The following RGS6 variants were observed in gnomAD, a reference collection of about 807,000 sequenced individuals.
RGS6 encodes the protein regulator of G protein signaling 6.
A neutral mutation model predicts 78.5 loss-of-function variants in RGS6; 30 were observed. The observed-to-expected ratio is 0.38, with a 90% CI of 0.29 to 0.52. The LOEUF (loss-of-function observed/expected upper bound fraction) is 0.52. Among genes scored for constraint, RGS6 ranks in the 20% least tolerant of loss-of-function variants. The pLI is 0.85. For synonymous variants in RGS6, 206 were observed against 206.0 expected, an observed-to-expected ratio of 1.00 and a Z score of 0.00; for missense variants, 495 against 609.7, an observed-to-expected ratio of 0.81 and a Z score of 1.98.
chr14:72,302,248 T>C (rs147704824), intron 2 of RGS6, among the ~76,000 whole-genome samples: 1 of 152,328 alleles, frequency 6.6e-6, no homozygotes, highest in Non-Finnish European at 1.5e-5. Flanking sequence ...GTGGACACCT[T>C]TTACAGGCTA....
chr14:72,513,095 C>T (rs1445282800), intron 14 of RGS6, among the ~76,000 whole-genome samples: 2 of 152,246 alleles, frequency 1.3e-5, no homozygotes, highest in Non-Finnish European at 2.9e-5. Flanking sequence ...AAAGCCTGAC[C>T]AGAACTCACC....
intron 2 of RGS6, among the ~76,000 whole-genome samples, chr14:72,200,953 G>A (rs1433413597): frequency 7.8e-6 from 1 of 127,826 alleles, no homozygotes; most frequent in Non-Finnish European, 1.6e-5. Context: ...TCCTGAATGT[G>A]CTCTGCTTAA....
chr14:72,271,751 A>T (rs1393812220), intron 2 of RGS6, among the ~76,000 whole-genome samples: 1 of 152,210 alleles, frequency 6.6e-6, no homozygotes, highest in African/African-American at 2.4e-5. Context: ...TGAAATAGAT[A>T]GGCTAAAAGC....
intron 2 of RGS6, among the ~76,000 whole-genome samples, chr14:72,196,943 G>A (rs1258424851): frequency 6.6e-6 from 1 of 152,206 alleles, no homozygotes; most frequent in Non-Finnish European, 1.5e-5. Context: ...TAAATTGCTT[G>A]AATTATTGAG....
At chr14:72,151,253 TCCTA>T (rs951506397) in intron 2 of RGS6, among the ~76,000 whole-genome samples, 27 of 152,280 alleles carry the variant, frequency 1.8e-4, no homozygotes, top group Middle Eastern at 3.4e-3. Context: ...AATCAAGCCT[TCCTA>T]CGACAATAGG....
chr14:72,550,419 A>T (rs1363207773), intron 17 of RGS6: 2 of 1,509,698 alleles, frequency 1.3e-6, no homozygotes, highest in East Asian at 4.9e-5. Context: ...TGTTTGCACT[A>T]AGCACCAAGT....
At chr14:72,379,693 A>G (rs1299659469) in intron 3 of RGS6, among the ~76,000 whole-genome samples, 2 of 152,156 alleles carry the variant, frequency 1.3e-5, no homozygotes, top group Non-Finnish European at 2.9e-5. Context: ...AAATGGAAAG[A>G]CATCTCATGC....
chr14:72,097,616 A>T (rs1187173487), intron 2 of RGS6, among the ~76,000 whole-genome samples: 1 of 152,158 alleles, frequency 6.6e-6, no homozygotes, highest in Non-Finnish European at 1.5e-5. Context: ...GCTGTAAACT[A>T]CTAGTTTTCA....
chr14:72,334,313 C>T (rs2075630863), intron 2 of RGS6, among the ~76,000 whole-genome samples: 1 of 152,222 alleles, frequency 6.6e-6, no homozygotes, highest in Non-Finnish European at 1.5e-5. Context: ...CACAGCCCCT[C>T]CTAGCTGCGG....
chr14:72,435,068 C>T (rs750371281), intron 3 of RGS6, among the ~76,000 whole-genome samples: 6 of 152,184 alleles, frequency 3.9e-5, no homozygotes, highest in Non-Finnish European at 7.3e-5. Context: ...GCTTGCAAAT[C>T]CTCCAGGCCA....
chr14:72,362,625 C>A (rs2081665820), intron 3 of RGS6, among the ~76,000 whole-genome samples: 1 of 152,190 alleles, frequency 6.6e-6, no homozygotes, highest in Non-Finnish European at 1.5e-5. Context: ...GGCTTCTTCA[C>A]AGCCTCTTGG....
the RGS6 span, among the ~76,000 whole-genome samples, chr14:71,923,679 C>T: frequency 3.3e-5 from 5 of 152,068 alleles, no homozygotes; most frequent in South Asian, 6.2e-4. Flanking sequence ...GTAAAAGAAG[C>T]CTGACACAAA....
At chr14:72,336,801 G>A (rs909734747) in intron 2 of RGS6, among the ~76,000 whole-genome samples, 5 of 151,998 alleles carry the variant, frequency 3.3e-5, no homozygotes, top group African/African-American at 7.3e-5. Context: ...GTTCCTTCTC[G>A]GGGCTGCCAG....
chr14:72,072,498 G>A (rs950073908), intron 2 of RGS6, among the ~76,000 whole-genome samples: 2 of 151,938 alleles, frequency 1.3e-5, no homozygotes, highest in Admixed American at 6.6e-5. Flanking sequence ...TAGTACAGAC[G>A]GGGTATCACC....
chr14:71,881,932 G>A, the RGS6 span, among the ~76,000 whole-genome samples: 2 of 151,848 alleles, frequency 1.3e-5, no homozygotes, highest in Non-Finnish European at 2.9e-5. Flanking sequence ...AAAGTTTTCT[G>A]TTATGTGTAT....
At chr14:72,500,160 T>C (rs1278529617) in intron 13 of RGS6, among the ~76,000 whole-genome samples, 2 of 152,274 alleles carry the variant, frequency 1.3e-5, no homozygotes, top group East Asian at 3.8e-4. Flanking sequence ...TCAGCACTTT[T>C]TCCCCAAGGA....
chr14:72,487,348 A>T (rs17780517), intron 12 of RGS6, among the ~76,000 whole-genome samples: 20,878 of 152,262 alleles, frequency 0.14, 1,498 homozygotes, highest in South Asian at 0.19. Context: ...CATAAATTGC[A>T]GTCAAACTAC....
At chr14:72,552,001 A>G (rs912810163) in intron 17 of RGS6, among the ~76,000 whole-genome samples, 5 of 152,224 alleles carry the variant, frequency 3.3e-5, no homozygotes, top group Non-Finnish European at 7.3e-5. Flanking sequence ...AGCTCTTAGA[A>G]TCAGTTTCAT....
At chr14:72,183,753 A>G (rs1156779763) in intron 2 of RGS6, among the ~76,000 whole-genome samples, 1 of 152,212 alleles carries the variant, frequency 6.6e-6, no homozygotes, top group African/African-American at 2.4e-5. Context: ...AAGCATGCTG[A>G]TATCTTAAAT....
Sources: gnomAD v4.1 joint callset for allele counts (sites outside exome capture counted in the v4.1 genomes callset) on GRCh38, gnomAD v4.1.1 for gene constraint, MANE v1.5 for transcripts, NCBI Gene and HGNC (gene_info 2026-07-23, HGNC 2026-07-21) for gene names.